ZDHHC20: variants seen among roughly 807,000 people sequenced by gnomAD.
ZDHHC20 encodes palmitoyltransferase ZDHHC20.
A neutral mutation model predicts 57.8 loss-of-function variants in ZDHHC20; 43 were observed. That is an observed-to-expected ratio of 0.74 (90% CI 0.58 to 0.96). ZDHHC20 has a LOEUF of 0.96. Ranked by LOEUF, ZDHHC20 falls within the 40% of genes least tolerant of loss-of-function variation. ZDHHC20 has a pLI of 0.00. For missense variants in ZDHHC20, 391 were observed against 441.1 expected, an observed-to-expected ratio of 0.89 and a Z score of 1.02; for synonymous variants, 157 against 153.0, an observed-to-expected ratio of 1.03 and a Z score of -0.19.
chr13:21,408,925 T>C (rs1878829019), intron 4 of ZDHHC20, among the ~76,000 whole-genome samples: 2 of 152,228 alleles, frequency 1.3e-5, no homozygotes, highest in African/African-American at 2.4e-5. Flanking sequence ...GATTTGTGTA[T>C]ATTGAACCAG....
intron 1 of ZDHHC20, among the ~76,000 whole-genome samples, chr13:21,440,652 A>ATATATGTGTGTATATATATATGTG (rs754122040): frequency 1.4e-4 from 22 of 152,068 alleles, no homozygotes; most frequent in Non-Finnish European, 2.6e-4. Flanking sequence ...GTGTGTGTAT[A>ATATATGTGTGTATATATATATGTG]TATATATATG....
At chr13:21,416,570 G>C (rs1880003267) in intron 3 of ZDHHC20, among the ~76,000 whole-genome samples, 1 of 152,072 alleles carries the variant, frequency 6.6e-6, no homozygotes, top group South Asian at 2.1e-4. Flanking sequence ...TATAAACAAA[G>C]AATTACAAAA....
rs1872690441 is a variant in ZDHHC20 at position 21,378,747 on chromosome 13, A to G, written c.1061-9T>C. Reference sequence around the variant, plus strand: ...TACATGGTTATTTGTCCCTGTAAGCATATAATTATATATGACATGACAAAA... The same window carrying G: ...TACATGGTTATTTGTCCCTGTAAGCGTATAATTATATATGACATGACAAAA... On this transcript the variant is annotated splice_polypyrimidine_tract_variant and intron_variant, in intron 11 of 12. Transcript: ENST00000400590. The G allele has an allele frequency of 1.5e-6, 2 of 1,350,272 alleles. No homozygotes were observed. The highest frequency in any genetic ancestry group is 2.0e-6 in the Non-Finnish European group (2 of 1,018,264). 83.6% of individuals were successfully genotyped at this position (1,350,272 alleles called of 1,614,324 possible). A position where few individuals can be genotyped will look rare whatever the true frequency, so the allele number is the denominator to read the frequency against.
chr13:21,412,293 C>T (rs1879324122), intron 4 of ZDHHC20, among the ~76,000 whole-genome samples: 1 of 152,154 alleles, frequency 6.6e-6, no homozygotes, highest in Non-Finnish European at 1.5e-5. Context: ...AAGAAGGTAA[C>T]TCATTACTGA....
At chr13:21,408,823 G>A (rs924037089) in intron 4 of ZDHHC20, among the ~76,000 whole-genome samples, 1 of 152,108 alleles carries the variant, frequency 6.6e-6, no homozygotes, top group Non-Finnish European at 1.5e-5. Context: ...TAGCATGAAA[G>A]GTTGCTGAAT....
intron 1 of ZDHHC20, among the ~76,000 whole-genome samples, chr13:21,441,633 G>C (rs533667752): frequency 1.3e-3 from 178 of 133,244 alleles, no homozygotes; most frequent in African/African-American, 4.7e-3. Context: ...TTGATCTCCT[G>C]ACCTCGTGAT....
At chr13:21,406,546 C>G (rs770921504) in intron 4 of ZDHHC20, among the ~76,000 whole-genome samples, 3 of 151,996 alleles carry the variant, frequency 2.0e-5, no homozygotes, top group African/African-American at 4.8e-5. Flanking sequence ...CCCTCCACCC[C>G]CCGACAGGCC....
chr13:21,411,250 C>A (rs1879179652), intron 4 of ZDHHC20, among the ~76,000 whole-genome samples: 1 of 152,182 alleles, frequency 6.6e-6, no homozygotes, highest in African/African-American at 2.4e-5. Flanking sequence ...ATGCAAAAAT[C>A]ACCTGCCTTC....
intron 3 of ZDHHC20, among the ~76,000 whole-genome samples, chr13:21,417,308 T>C (rs552968208): frequency 1.3e-5 from 2 of 152,300 alleles, no homozygotes; most frequent in South Asian, 4.1e-4. Context: ...TGTCTCTACC[T>C]TTAAGCCTAG....
chr13:21,441,597 G>A (rs1254991108), intron 1 of ZDHHC20, among the ~76,000 whole-genome samples: 8 of 113,946 alleles, frequency 7.0e-5, no homozygotes, highest in Non-Finnish European at 1.3e-4. Context: ...TAGAGACAGG[G>A]TTTCACCGTG....
chr13:21,407,553 T>C (rs923121612), intron 4 of ZDHHC20, among the ~76,000 whole-genome samples: 1 of 152,134 alleles, frequency 6.6e-6, no homozygotes, highest in East Asian at 1.9e-4. Context: ...ATTGCAAAAA[T>C]TTTCTCCCAT....
At chr13:21,384,962 G>GA (rs1425695191) in intron 9 of ZDHHC20, among the ~76,000 whole-genome samples, 6 of 148,474 alleles carry the variant, frequency 4.0e-5, no homozygotes, top group Non-Finnish European at 7.5e-5. Flanking sequence ...CTATAGCTAA[G>GA]AAAAAAAAAG....
intron 7 of ZDHHC20, among the ~76,000 whole-genome samples, chr13:21,398,327 G>A (rs1877118990): frequency 6.6e-6 from 1 of 152,086 alleles, no homozygotes; most frequent in Admixed American, 6.5e-5. Flanking sequence ...AGCCGGGCGA[G>A]GTGCCGGGTG....
chr13:21,420,633 T>A (rs1345956926), intron 3 of ZDHHC20, among the ~76,000 whole-genome samples: 1 of 152,254 alleles, frequency 6.6e-6, no homozygotes, highest in African/African-American at 2.4e-5. Context: ...CTAGTCATAT[T>A]AAAGTGCAGC....
intron 4 of ZDHHC20, 27 bp downstream of exon 4, chr13:21,413,625 A>G (rs1566089075): frequency 1.3e-6 from 2 of 1,567,786 alleles, no homozygotes. Flanking sequence ...AAATCATTTG[A>G]AAAGGAAAAC....
At chr13:21,394,507 ATAC>A (rs1339824221) in intron 7 of ZDHHC20, among the ~76,000 whole-genome samples, 7 of 152,350 alleles carry the variant, frequency 4.6e-5, no homozygotes, top group African/African-American at 1.4e-4. Context: ...TTTCAGAGAT[ATAC>A]TACAAGTCTC....
At chr13:21,417,929 A>C (rs886728467) in intron 3 of ZDHHC20, among the ~76,000 whole-genome samples, 1 of 152,224 alleles carries the variant, frequency 6.6e-6, no homozygotes. Context: ...TCAAATTCAC[A>C]GCTTTGTAAT....
intron 7 of ZDHHC20, among the ~76,000 whole-genome samples, chr13:21,396,158 C>A (rs1326110826): frequency 6.6e-6 from 1 of 152,164 alleles, no homozygotes; most frequent in Non-Finnish European, 1.5e-5. Context: ...CTGGTTCCCA[C>A]GTGGTGCTTC....
intron 1 of ZDHHC20, among the ~76,000 whole-genome samples, chr13:21,443,785 A>AT (rs1315834371): frequency 1.3e-5 from 2 of 152,226 alleles, no homozygotes; most frequent in Non-Finnish European, 2.9e-5. Context: ...GTTCAGAAGG[A>AT]TTTAAAATAT....
Sources: gnomAD v4.1 joint callset for allele counts (sites outside exome capture counted in the v4.1 genomes callset) on GRCh38, gnomAD v4.1.1 for gene constraint, MANE v1.5 for transcripts, NCBI Gene and HGNC (gene_info 2026-07-23, HGNC 2026-07-21) for gene names.